The following CEP63 variants were observed in gnomAD, a reference collection of about 807,000 sequenced individuals.
The protein encoded by CEP63 is centrosomal protein 63.
A neutral mutation model predicts 89.1 loss-of-function variants in CEP63; 84 were observed. That is an observed-to-expected ratio of 0.94 (90% CI 0.79 to 1.13). CEP63 has a LOEUF of 1.13. CEP63 is among the 50% of genes most tolerant of loss of function. The pLI is 0.00. For missense variants in CEP63, 838 were observed against 813.3 expected (o/e 1.03, Z -0.37); for synonymous variants, 267 against 272.5 (o/e 0.98, Z 0.20).
At chr3:134,747,777 G>T in the CEP63 span, among the ~76,000 whole-genome samples, 3 of 152,052 alleles carry the variant, frequency 2.0e-5, no homozygotes, top group African/African-American at 7.2e-5. Flanking sequence ...TGTGATAAAT[G>T]ACCCCACTTT....
Position 134,561,523 on chromosome 3 carries a change from AGC to A in CEP63, c.2101_2102del (p.Ala701LeufsTer6). On this transcript the variant is annotated frameshift_variant, in exon 15 of 15. Transcript: ENST00000675561. LOFTEE classifies it high-confidence loss of function. ...GTGAAAAGACAGTGAGACAATTCAC[AGC>A]CTTAAAGTAGCCTCTTAAAAAAATC... ...ESEKTVRQFT[A>X]LK The A allele has an allele frequency of 6.2e-7, 1 of 1,613,702 alleles. No individual in the cohort carries two copies. Among genetic ancestry groups the A allele is most frequent in the Non-Finnish European group, 8.5e-7 (1 of 1,179,774 alleles).
At chr3:134,489,587 C>T (rs1235360023) in intron 1 of CEP63, among the ~76,000 whole-genome samples, 1 of 152,144 alleles carries the variant, frequency 6.6e-6, no homozygotes, top group Non-Finnish European at 1.5e-5. Flanking sequence ...GTTATATTGC[C>T]TGTATCCGTT....
At chr3:134,619,314 G>A in the CEP63 span, 1 of 1,414,422 alleles carries the variant, frequency 7.1e-7, no homozygotes, top group Non-Finnish European at 1.0e-6. Flanking sequence ...TGGGAGGCGA[G>A]AAGACTCCAC....
At chr3:134,735,423 A>G in the CEP63 span, among the ~76,000 whole-genome samples, 25 of 152,182 alleles carry the variant, frequency 1.6e-4, no homozygotes, top group African/African-American at 5.5e-4. Context: ...ACTTAGGAAC[A>G]CTAGACAGCA....
the CEP63 span, among the ~76,000 whole-genome samples, chr3:134,669,434 C>T: frequency 1.3e-5 from 2 of 152,152 alleles, no homozygotes; most frequent in African/African-American, 4.8e-5. Context: ...TTGTGGCCCA[C>T]GTAATCCAGA....
At chr3:134,493,185 T>C (rs2107968338) in intron 1 of CEP63, among the ~76,000 whole-genome samples, 1 of 152,286 alleles carries the variant, frequency 6.6e-6, no homozygotes. Flanking sequence ...TGTATGGTTG[T>C]CAGGAGCATG....
intron 3 of CEP63, among the ~76,000 whole-genome samples, chr3:134,529,015 A>C (rs1949311663): frequency 6.6e-6 from 1 of 152,178 alleles, no homozygotes; most frequent in Admixed American, 6.5e-5. Flanking sequence ...AAAATTTAGA[A>C]AAGACCAACT....
At chr3:134,515,199 T>A (rs928054284) in intron 3 of CEP63, among the ~76,000 whole-genome samples, 10 of 152,260 alleles carry the variant, frequency 6.6e-5, no homozygotes, top group Middle Eastern at 3.4e-3. Context: ...AGAGAATATC[T>A]TCCATGCTAA....
chr3:134,561,525 C>G lies in CEP63; in HGVS notation c.2102C>G (p.Ala701Gly). 1 of 1,613,242 alleles carries G rather than the reference C, an allele frequency of 6.2e-7. No individual in the cohort carries two copies. Residue 701 changes from alanine to glycine, a missense_variant, in exon 15 of 15, where the codon GCC (alanine) becomes GGC (glycine). By Grantham distance (60) the Ala-to-Gly change is moderately conservative. Coordinates refer to ENST00000675561, the MANE Select transcript of CEP63 (RefSeq NM_001353108.3). The part of the protein sequence containing the change: ...ESEKTVRQFT[A>G]LK Reference sequence around the variant, plus strand: ...GAAAAGACAGTGAGACAATTCACAGCCTTAAAGTAGCCTCTTAAAAAAATC... The same window carrying G: ...GAAAAGACAGTGAGACAATTCACAGGCTTAAAGTAGCCTCTTAAAAAAATC...
the CEP63 span, among the ~76,000 whole-genome samples, chr3:134,754,252 C>A: frequency 6.6e-6 from 1 of 152,204 alleles, no homozygotes; most frequent in Non-Finnish European, 1.5e-5. Context: ...TCCTCCAATG[C>A]CCTGAGGCTG....
At chr3:134,590,921 C>T (rs2107687256), downstream of CEP63, among the ~76,000 whole-genome samples, 1 of 152,314 alleles carries the variant, frequency 6.6e-6, no homozygotes, top group South Asian at 2.1e-4. Context: ...ATCCTGCTCA[C>T]TGCACAGCTG....
chr3:134,519,651 A>G (rs915828715), intron 3 of CEP63, among the ~76,000 whole-genome samples: 5 of 152,244 alleles, frequency 3.3e-5, no homozygotes, highest in African/African-American at 9.6e-5. Context: ...CAGTTAAGGA[A>G]AATTACAGGC....
At chr3:134,489,286 A>G (rs1337412353) in intron 1 of CEP63, among the ~76,000 whole-genome samples, 1 of 152,134 alleles carries the variant, frequency 6.6e-6, no homozygotes, top group Non-Finnish European at 1.5e-5. Flanking sequence ...TCATAATTGC[A>G]GAAAGTTGTA....
the CEP63 span, chr3:134,615,457 T>C: frequency 6.6e-6 from 1 of 151,724 alleles, no homozygotes; most frequent in African/African-American, 2.4e-5. Flanking sequence ...ATTTTTTTTC[T>C]TTTTTCTTTT....
the CEP63 span, chr3:134,603,869 G>A: frequency 6.2e-7 from 1 of 1,614,026 alleles, no homozygotes; most frequent in East Asian, 2.2e-5. Flanking sequence ...GGGAACATGG[G>A]CCAGTTCACC....
intron 8 of CEP63, 117 bp downstream of exon 8, chr3:134,546,405 C>A: frequency 2.1e-6 from 2 of 969,920 alleles, no homozygotes; most frequent in Non-Finnish European, 3.0e-6. Context: ...GTTGCCCAGA[C>A]TGGAGTGCAG....
the CEP63 span, among the ~76,000 whole-genome samples, chr3:134,723,720 G>C: frequency 6.6e-6 from 1 of 152,132 alleles, no homozygotes; most frequent in Non-Finnish European, 1.5e-5. Flanking sequence ...TCTAATCCTG[G>C]CCCAGCAATC....
At chr3:134,557,561 A>G (rs958163323) in intron 12 of CEP63, among the ~76,000 whole-genome samples, 3 of 152,038 alleles carry the variant, frequency 2.0e-5, no homozygotes, top group Non-Finnish European at 4.4e-5. Flanking sequence ...TTGAAGAGCA[A>G]TAAAATTTAT....
the CEP63 span, among the ~76,000 whole-genome samples, chr3:134,716,996 G>A: frequency 6.6e-6 from 1 of 152,184 alleles, no homozygotes; most frequent in African/African-American, 2.4e-5. Flanking sequence ...CCAAATCTGT[G>A]CCAGGTGTCA....
Sources: allele counts gnomAD v4.1 joint callset (sites outside exome capture counted in the v4.1 genomes callset), GRCh38; gene constraint gnomAD v4.1.1; transcripts MANE v1.5; gene names NCBI Gene and HGNC (gene_info 2026-07-23, HGNC 2026-07-21).